NIBAN1: variants seen among roughly 807,000 people sequenced by gnomAD.
NIBAN1 encodes protein Niban 1.
Under a neutral mutation model 75.1 loss-of-function variants are expected in NIBAN1, and 81 were observed. The observed-to-expected ratio is 1.08, with a 90% CI of 0.90 to 1.30. The LOEUF (loss-of-function observed/expected upper bound fraction) is 1.30. Ranked by LOEUF, NIBAN1 falls within the 50% of genes most tolerant of loss-of-function variation. The probability of loss-of-function intolerance (pLI) is 0.00; values close to 1 mark genes in which losing one functional copy is unlikely to be tolerated. For synonymous variants in NIBAN1, 436 were observed against 424.8 expected, an observed-to-expected ratio of 1.03 and a Z score of -0.32; for missense variants, 1,133 against 1,128.1, an observed-to-expected ratio of 1.00 and a Z score of -0.06.
intron 1 of NIBAN1, among the ~76,000 whole-genome samples, chr1:184,922,560 T>C (rs981498776): frequency 1.3e-5 from 2 of 152,292 alleles, no homozygotes; most frequent in South Asian, 4.1e-4. Flanking sequence ...TTGAGAAATA[T>C]CTATTCAGAT....
Position 184,798,553 on chromosome 1 carries a change from G to A in NIBAN1, c.1555-363C>T, listed in dbSNP as rs868733205. ...TTATCATCTCAAGGCCTCATTAGCA[G>A]GTTTGGAGCCTCCTTTTTTCCCCTC... On this transcript the variant is annotated intron_variant, in intron 12 of 13. Coordinates refer to ENST00000367511, the MANE Select transcript of NIBAN1 (RefSeq NM_052966.4). Among the ~76,000 whole-genome samples, 219 of 152,174 alleles carry A rather than the reference G, an allele frequency of 1.4e-3. 1 individual carries two copies. Among genetic ancestry groups the A allele is most frequent in the African/African-American group, 4.9e-3 (205 of 41,522 alleles).
chr1:184,949,822 A>T (rs1260448489), intron 1 of NIBAN1, among the ~76,000 whole-genome samples: 1 of 152,196 alleles, frequency 6.6e-6, no homozygotes, highest in Non-Finnish European at 1.5e-5. Flanking sequence ...TTTAGGTCTC[A>T]GTTTCTAATG....
At chr1:184,856,552 A>G (rs1402848110) in intron 5 of NIBAN1, among the ~76,000 whole-genome samples, 1 of 152,248 alleles carries the variant, frequency 6.6e-6, no homozygotes, top group East Asian at 1.9e-4. Flanking sequence ...TAATTGATGC[A>G]GAAATGAGAA....
At chr1:184,894,323 T>TG in intron 2 of NIBAN1, 117 bp from the exon 3 acceptor site, 1 of 1,133,972 alleles carries the variant, frequency 8.8e-7, no homozygotes. Context: ...ACTGAGATCC[T>TG]GGGGAAACTG....
At chr1:184,913,294 C>T (rs908030030) in intron 1 of NIBAN1, among the ~76,000 whole-genome samples, 19 of 151,564 alleles carry the variant, frequency 1.3e-4, no homozygotes, top group African/African-American at 3.9e-4. Flanking sequence ...GGAATTATAC[C>T]GTTTGCACTG....
intron 5 of NIBAN1, among the ~76,000 whole-genome samples, chr1:184,857,789 G>C (rs576083522): frequency 1.3e-5 from 2 of 152,036 alleles, no homozygotes; most frequent in Admixed American, 1.3e-4. Flanking sequence ...AAAAATTGTA[G>C]CTTAATTCAG....
At chr1:184,831,040 T>C (rs1382726060) in intron 6 of NIBAN1, among the ~76,000 whole-genome samples, 3 of 152,092 alleles carry the variant, frequency 2.0e-5, no homozygotes, top group East Asian at 1.9e-4. Flanking sequence ...TGTTACTTTA[T>C]GTAAATATGC....
intron 1 of NIBAN1, among the ~76,000 whole-genome samples, chr1:184,921,575 A>T (rs1657556386): frequency 6.6e-6 from 1 of 152,180 alleles, no homozygotes; most frequent in Non-Finnish European, 1.5e-5. Flanking sequence ...GATAAGAAAG[A>T]AATTTTCTCC....
At chr1:184,814,913 T>C (rs970021789) in intron 9 of NIBAN1, among the ~76,000 whole-genome samples, 2 of 152,232 alleles carry the variant, frequency 1.3e-5, no homozygotes, top group Non-Finnish European at 2.9e-5. Context: ...AGCCACCTTG[T>C]CCTTCCTGAA....
At chr1:184,891,240 C>G (rs1013022990) in intron 3 of NIBAN1, among the ~76,000 whole-genome samples, 1 of 152,114 alleles carries the variant, frequency 6.6e-6, no homozygotes, top group Non-Finnish European at 1.5e-5. Flanking sequence ...ATTCTGGCAG[C>G]CTGACCTATT....
At chr1:184,884,853 C>T in intron 4 of NIBAN1, 53 bp from the exon 5 acceptor site, 1 of 1,585,658 alleles carries the variant, frequency 6.3e-7, no homozygotes, top group South Asian at 1.2e-5. Context: ...TCTTTTATTT[C>T]AAATGTGTGT....
chr1:184,937,640 T>C (rs1657996186), intron 1 of NIBAN1, among the ~76,000 whole-genome samples: 1 of 152,218 alleles, frequency 6.6e-6, no homozygotes, highest in Admixed American at 6.5e-5. Context: ...ACAGTAAATG[T>C]GACAAACGTC....
intron 1 of NIBAN1, among the ~76,000 whole-genome samples, chr1:184,913,071 T>C (rs1291523337): frequency 1.3e-5 from 2 of 150,928 alleles, no homozygotes; most frequent in African/African-American, 4.9e-5. Flanking sequence ...ACTTGGGCAG[T>C]TTCCTTTGTC....
chr1:184,930,382 G>A (rs1657788412), intron 1 of NIBAN1, among the ~76,000 whole-genome samples: 1 of 152,174 alleles, frequency 6.6e-6, no homozygotes, highest in African/African-American at 2.4e-5. Flanking sequence ...CCCTCATCTG[G>A]AAGAGGAGGA....
At chr1:184,884,544 G>C (rs1157355720) in intron 5 of NIBAN1, 89 bp downstream of exon 5, 18 of 1,525,860 alleles carry the variant, frequency 1.2e-5, no homozygotes, top group Non-Finnish European at 1.6e-5. Flanking sequence ...CTCTTTCTAA[G>C]AATCACTGCA....
chr1:184,932,800 A>G (rs1372368599), intron 1 of NIBAN1, among the ~76,000 whole-genome samples: 1 of 152,270 alleles, frequency 6.6e-6, no homozygotes, highest in Non-Finnish European at 1.5e-5. Context: ...GCATAAGCAA[A>G]GAAAAAACTA....
At chr1:184,806,726 C>A (rs1395075506) in intron 10 of NIBAN1, among the ~76,000 whole-genome samples, 3 of 151,588 alleles carry the variant, frequency 2.0e-5, no homozygotes, top group Non-Finnish European at 4.4e-5. Flanking sequence ...CTCCTTTCTT[C>A]CCCAAGCCCG....
At chr1:184,923,836 T>A (rs1349057789) in intron 1 of NIBAN1, among the ~76,000 whole-genome samples, 3 of 152,138 alleles carry the variant, frequency 2.0e-5, no homozygotes, top group African/African-American at 7.2e-5. Context: ...CTATTATAAG[T>A]GGGATTACTT....
intron 11 of NIBAN1, among the ~76,000 whole-genome samples, chr1:184,804,803 T>G (rs1654146828): frequency 6.6e-6 from 1 of 151,976 alleles, no homozygotes; most frequent in African/African-American, 2.4e-5. Flanking sequence ...TTTTTTGTTT[T>G]TTGAGATAGA....
Sources: allele counts gnomAD v4.1 joint callset (sites outside exome capture counted in the v4.1 genomes callset), GRCh38; gene constraint gnomAD v4.1.1; transcripts MANE v1.5; gene names NCBI Gene and HGNC (gene_info 2026-07-23, HGNC 2026-07-21).